The following NAV2 variants were observed in gnomAD, a reference collection of about 807,000 sequenced individuals.
NAV2 encodes the protein neuron navigator 2.
Under a neutral mutation model 223.2 loss-of-function variants are expected in NAV2, and 54 were observed. The observed-to-expected ratio is 0.24, with a 90% CI of 0.19 to 0.30. The LOEUF (loss-of-function observed/expected upper bound fraction) is 0.30, where lower values mean the gene tolerates loss of function less well. Among genes scored for constraint, NAV2 ranks in the 10% least tolerant of loss-of-function variants. NAV2 has a pLI of 1.00. For synonymous variants in NAV2, 1,279 were observed against 1,239.3 expected (o/e 1.03, Z -0.67); for missense variants, 2,806 against 3,147.5 (o/e 0.89, Z 2.60).
chr11:19,985,298 C>G (rs1389577204), intron 11 of NAV2, among the ~76,000 whole-genome samples: 1 of 152,160 alleles, frequency 6.6e-6, no homozygotes, highest in African/African-American at 2.4e-5. Flanking sequence ...GAAGAATCTT[C>G]ATGTTCTCTC....
At position 20,118,209 on chromosome 11, in the gene NAV2, A is replaced by G. The variant is rs1592251445; in HGVS notation, c.7241A>G (p.Asn2414Ser). Reference protein sequence around the residue: ...PQSYDSDSNSNSHHDDILDSS... With the variant: ...PQSYDSDSNSSSHHDDILDSS... ...AGCTATGACAGCGACTCCAACAGCA[A>G]CAGCCATCACGATGACATCTTGGAC... Residue 2414 changes from asparagine to serine, a missense_variant, in exon 38 of 38, where the codon AAC (asparagine) becomes AGC (serine). Coordinates refer to ENST00000349880, the MANE Select transcript of NAV2 (RefSeq NM_145117.5). 6.2e-7 allele frequency: 1 copy of G among 1,614,110 alleles called. No homozygotes were observed. Among genetic ancestry groups the G allele is most frequent in the Non-Finnish European group, 8.5e-7 (1 of 1,180,004 alleles).
chr11:19,684,227 T>A (rs1222178225), intron 1 of NAV2, among the ~76,000 whole-genome samples: 3 of 152,212 alleles, frequency 2.0e-5, no homozygotes, highest in Admixed American at 6.5e-5. Context: ...AATAGAATTA[T>A]ACTTCCTTTT....
At chr11:19,451,049 T>G (rs1851772372) in intron 1 of NAV2, among the ~76,000 whole-genome samples, 1 of 152,170 alleles carries the variant, frequency 6.6e-6, no homozygotes, top group African/African-American at 2.4e-5. Flanking sequence ...CAGTAGGGAC[T>G]TCTCTGATTA....
rs190645051 is a variant in NAV2 at position 19,435,578 on chromosome 11, T to C, written c.75+84551T>C. ...TCTTTGACATTGATTTCAATTCCTT[T>C]GAGTATATACCCAGAAGTGGATTGC... is the stretch of plus-strand genomic sequence containing the variant. On this transcript the variant is annotated intron_variant, in intron 1 of 37. Transcript: ENST00000360655. 2.3e-3 allele frequency among the ~76,000 whole-genome samples: 351 copies of C among 152,298 alleles called. 1 individual carries two copies. Among genetic ancestry groups the C allele is most frequent in the African/African-American group, 8.0e-3 (334 of 41,570 alleles).
chr11:19,847,211 C>T (rs2060857752), intron 3 of NAV2, among the ~76,000 whole-genome samples: 1 of 152,150 alleles, frequency 6.6e-6, no homozygotes, highest in Non-Finnish European at 1.5e-5. Context: ...GTACTCAGGA[C>T]ATTGGGGGCA....
chr11:20,070,081 A>G (rs1182469559), intron 22 of NAV2, among the ~76,000 whole-genome samples: 1 of 152,210 alleles, frequency 6.6e-6, no homozygotes, highest in Non-Finnish European at 1.5e-5. Flanking sequence ...TTCTGCCACC[A>G]GTAATGCTAT....
intron 10 of NAV2, among the ~76,000 whole-genome samples, chr11:19,953,064 A>G (rs2047526814): frequency 6.6e-6 from 1 of 152,232 alleles, no homozygotes; most frequent in Non-Finnish European, 1.5e-5. Flanking sequence ...CTCATATTCT[A>G]AAAATTCAAA....
In NAV2 at chr11:19,402,923, T is replaced by C. The variant is rs146803449; in HGVS notation, c.75+51896T>C. Among the ~76,000 whole-genome samples the C allele has an allele frequency of 1.6e-3, 250 of 152,312 alleles. 1 individual carries two copies. The highest frequency in any genetic ancestry group is 5.9e-3 in the African/African-American group (244 of 41,560). Reference sequence around the variant, plus strand: ...GGGAAAAGGAGGAGAAAAAAGAATATTACTTAAGGTTCAACATTCATCCCT... The same window carrying C: ...GGGAAAAGGAGGAGAAAAAAGAATACTACTTAAGGTTCAACATTCATCCCT... On this transcript the variant is annotated intron_variant, in intron 1 of 37. Transcript: ENST00000360655.
intron 1 of NAV2, among the ~76,000 whole-genome samples, chr11:19,786,549 A>C (rs2057132715): frequency 1.3e-5 from 2 of 152,214 alleles, no homozygotes; most frequent in South Asian, 4.1e-4. Context: ...GCCTTTAAAC[A>C]CAGTCACCCC....
rs528776417 is a variant in NAV2 at position 20,080,395 on chromosome 11, T to C, written c.5325+186T>C. ...ATCAATATTGTACTCAGCAAAACACTAGAATCTGTAACATCCCTACCACTT... is the reference window on the plus strand; with the variant it reads ...ATCAATATTGTACTCAGCAAAACACCAGAATCTGTAACATCCCTACCACTT... On this transcript the variant is annotated intron_variant, in intron 25 of 37. Coordinates refer to ENST00000349880, the MANE Select transcript of NAV2 (RefSeq NM_145117.5). Among the ~76,000 whole-genome samples the C allele has an allele frequency of 2.3e-4, 35 of 152,336 alleles. No homozygotes were observed. The South Asian group carries it at 5.4e-3, about 23-fold the overall frequency.
intron 10 of NAV2, among the ~76,000 whole-genome samples, chr11:19,976,376 G>GTC (rs1402601243): frequency 6.6e-6 from 1 of 152,118 alleles, no homozygotes; most frequent in Non-Finnish European, 1.5e-5. Context: ...TATCTCTTCT[G>GTC]TCTCTCTCTC....
chr11:19,756,795 C>T (rs1351994939), intron 1 of NAV2, among the ~76,000 whole-genome samples: 3 of 152,212 alleles, frequency 2.0e-5, no homozygotes, highest in Non-Finnish European at 4.4e-5. Context: ...GCGCCAGTTT[C>T]TTTTTGGTGA....
At chr11:19,452,026 C>T (rs1244112643) in intron 1 of NAV2, among the ~76,000 whole-genome samples, 1 of 152,052 alleles carries the variant, frequency 6.6e-6, no homozygotes, top group Non-Finnish European at 1.5e-5. Flanking sequence ...ACTACGGTAT[C>T]AGCTGTTTCA....
In NAV2 at chr11:20,023,103, T is replaced by G. The variant is rs1261753543; in HGVS notation, c.2769-12856T>G. 8 of 1,551,736 alleles carry G rather than the reference T, an allele frequency of 5.2e-6. No homozygotes were observed. The Admixed American group carries it at 5.9e-5, about 11-fold the overall frequency. ...CTGTTCTCCAAGGGCCGCAATGTAG[T>G]GAAATGCTCTGGCCTAGGAACCTTA... On this transcript the variant is annotated intron_variant, in intron 11 of 37. Transcript: ENST00000349880.
At chr11:19,520,056 T>C (rs554796535) in intron 1 of NAV2, among the ~76,000 whole-genome samples, 14 of 152,214 alleles carry the variant, frequency 9.2e-5, no homozygotes, top group Non-Finnish European at 2.1e-4. Flanking sequence ...ACTTTACTCT[T>C]AGGGCCTGAG....
intron 1 of NAV2, among the ~76,000 whole-genome samples, chr11:19,729,657 TGGGCTAGCAGAAA>T (rs2051572071): frequency 6.6e-6 from 1 of 151,766 alleles, no homozygotes; most frequent in Admixed American, 6.6e-5. Context: ...GGCACCAGAG[TGGGCTAGCAGAAA>T]GGGCACCAGA....
intron 30 of NAV2, 87 bp downstream of exon 30, chr11:20,095,854 C>G (rs2061225691): frequency 1.0e-6 from 1 of 966,234 alleles, no homozygotes; most frequent in South Asian, 1.3e-5. Flanking sequence ...ATGTCCTGAG[C>G]TTGGCCATTT....
chr11:19,379,816 G>T (rs1346518775), intron 1 of NAV2, among the ~76,000 whole-genome samples: 1 of 152,068 alleles, frequency 6.6e-6, no homozygotes, highest in Non-Finnish European at 1.5e-5. Context: ...ATCCAGCCAC[G>T]TAATTCTCTT....
intron 1 of NAV2, among the ~76,000 whole-genome samples, chr11:19,703,188 C>T (rs576326170): frequency 1.4e-4 from 22 of 151,908 alleles, no homozygotes; most frequent in African/African-American, 3.6e-4. Context: ...TTAAATTATC[C>T]ACTATTGAGG....
Sources: gnomAD v4.1 joint callset for allele counts (sites outside exome capture counted in the v4.1 genomes callset) on GRCh38, gnomAD v4.1.1 for gene constraint, MANE v1.5 for transcripts, NCBI Gene and HGNC (gene_info 2026-07-23, HGNC 2026-07-21) for gene names.